Variants in EPB41L2 observed in about 807,000 individuals in gnomAD.
EPB41L2 encodes erythrocyte membrane protein band 4.1 like 2.
A neutral mutation model predicts 113.0 loss-of-function variants in EPB41L2; 43 were observed. The observed-to-expected ratio is 0.38, with a 90% CI of 0.30 to 0.49. EPB41L2 has a LOEUF of 0.49. Ranked by LOEUF, EPB41L2 falls within the 20% of genes least tolerant of loss-of-function variation. EPB41L2 has a pLI of 0.95. For missense variants in EPB41L2, 1,147 were observed against 1,223.4 expected, an observed-to-expected ratio of 0.94 and a Z score of 0.93; for synonymous variants, 442 against 436.7, an observed-to-expected ratio of 1.01 and a Z score of -0.15.
intron 11 of EPB41L2, among the ~76,000 whole-genome samples, chr6:130,890,076 A>G (rs1235411472): frequency 6.6e-6 from 1 of 152,192 alleles, no homozygotes; most frequent in Non-Finnish European, 1.5e-5. Context: ...AACAAAAAAA[A>G]AGAAAAAAGT....
intron 1 of EPB41L2, among the ~76,000 whole-genome samples, chr6:130,985,419 T>C (rs535321197): frequency 4.6e-5 from 7 of 152,168 alleles, no homozygotes; most frequent in Non-Finnish European, 1.0e-4. Flanking sequence ...GTGCACCTCA[T>C]TCTTCTTGGG....
intron 4 of EPB41L2, among the ~76,000 whole-genome samples, chr6:130,918,594 A>G (rs556056510): frequency 1.3e-5 from 2 of 152,286 alleles, no homozygotes; most frequent in African/African-American, 2.4e-5. Context: ...AACACTAACA[A>G]TGACAGATTT....
chr6:130,954,040 CTTTTTTTTTTTTTTTTTTT>C (rs780758511), intron 3 of EPB41L2, among the ~76,000 whole-genome samples: 4 of 58,850 alleles, frequency 6.8e-5, no homozygotes. Context: ...CCTTTTCTTT[CTTTTTTTTTTTTTTTTTTT>C]TTTTTTTTTT....
At chr6:130,853,417 C>T (rs144538615) in intron 19 of EPB41L2, among the ~76,000 whole-genome samples, 2 of 152,312 alleles carry the variant, frequency 1.3e-5, no homozygotes, top group African/African-American at 4.8e-5. Context: ...TTTGGGAATA[C>T]CACTGCAGTG....
At chr6:130,937,849 T>C (rs1267697761) in intron 3 of EPB41L2, among the ~76,000 whole-genome samples, 1 of 146,104 alleles carries the variant, frequency 6.8e-6, no homozygotes, top group African/African-American at 2.7e-5. Context: ...TAACACAGCC[T>C]GCTAAAATAA....
chr6:131,033,228 C>T (rs900852689), intron 1 of EPB41L2, among the ~76,000 whole-genome samples: 7 of 150,626 alleles, frequency 4.6e-5, no homozygotes, highest in Non-Finnish European at 3.0e-5. Context: ...CAAAGAAAGA[C>T]AGGAGAGAGA....
intron 1 of EPB41L2, among the ~76,000 whole-genome samples, chr6:131,028,994 T>C (rs1791474572): frequency 6.6e-6 from 1 of 152,194 alleles, no homozygotes. Flanking sequence ...AACTTGGCTT[T>C]AGAGGGTTAC....
At chr6:131,006,058 T>C (rs895676547) in intron 1 of EPB41L2, among the ~76,000 whole-genome samples, 2 of 152,056 alleles carry the variant, frequency 1.3e-5, no homozygotes, top group African/African-American at 4.8e-5. Context: ...GGTTTTCTTT[T>C]GTTTGTTCTT....
rs367638973 is a variant in EPB41L2 at position 131,022,660 on chromosome 6, C to T, written c.-15+40495G>A. 1.1e-4 allele frequency among the ~76,000 whole-genome samples: 16 copies of T among 152,288 alleles called. 1 individual carries two copies. In the East Asian group the frequency reaches 2.7e-3, roughly 26 times the overall value. On this transcript the variant is annotated intron_variant, in intron 1 of 19. Coordinates refer to ENST00000337057, the MANE Select transcript of EPB41L2 (RefSeq NM_001431.4). ...TGTGGGGTTCAAATGAATCAAAGCA[C>T]TCTAGTTATATCACTGTGCCAGGTA...
intron 1 of EPB41L2, among the ~76,000 whole-genome samples, chr6:130,990,176 C>T (rs1429045313): frequency 6.6e-6 from 1 of 152,000 alleles, no homozygotes; most frequent in African/African-American, 2.4e-5. Flanking sequence ...CAAAAATTGG[C>T]CGAGTGTGGT....
At chr6:131,048,144 AAAAAAAAAAAAAAG>A (rs1272341678) in intron 1 of EPB41L2, among the ~76,000 whole-genome samples, 2 of 104,770 alleles carry the variant, frequency 1.9e-5, no homozygotes, top group Non-Finnish European at 2.2e-5. Context: ...GTCTCAAAAA[AAAAAAAAAAAAAAG>A]AAAAAAAGAA....
intron 1 of EPB41L2, among the ~76,000 whole-genome samples, chr6:131,055,194 G>A (rs1045831610): frequency 2.6e-5 from 4 of 152,088 alleles, no homozygotes; most frequent in Admixed American, 1.3e-4. Context: ...AATCCCTGCA[G>A]TACTACCTGA....
intron 1 of EPB41L2, among the ~76,000 whole-genome samples, chr6:131,025,948 C>T (rs1790769343): frequency 6.6e-6 from 1 of 152,102 alleles, no homozygotes; most frequent in South Asian, 2.1e-4. Context: ...TGGATCAAAG[C>T]AAAGCCGTTC....
At chr6:130,941,950 TA>T (rs1188659165) in intron 3 of EPB41L2, among the ~76,000 whole-genome samples, 1 of 152,210 alleles carries the variant, frequency 6.6e-6, no homozygotes, top group African/African-American at 2.4e-5. Context: ...AGAGCATAAT[TA>T]AATAAATATT....
intron 1 of EPB41L2, among the ~76,000 whole-genome samples, chr6:131,002,848 G>A (rs559499781): frequency 2.9e-4 from 44 of 152,114 alleles, no homozygotes; most frequent in Non-Finnish European, 1.9e-4. Flanking sequence ...TTCACTCAAC[G>A]TTACAGTTAG....
intron 3 of EPB41L2, among the ~76,000 whole-genome samples, chr6:130,935,363 C>T (rs756290245): frequency 5.3e-5 from 8 of 152,160 alleles, no homozygotes; most frequent in Non-Finnish European, 1.0e-4. Context: ...GAGCACGATG[C>T]TTCCAAGCCC....
chr6:130,965,644 C>CAAA (rs35081059), intron 1 of EPB41L2, among the ~76,000 whole-genome samples: 12 of 127,786 alleles, frequency 9.4e-5, no homozygotes, highest in East Asian at 4.6e-4. Context: ...AAACAGTTAT[C>CAAA]AAAAAAAAAA....
chr6:131,016,682 T>G (rs886187046), intron 1 of EPB41L2, among the ~76,000 whole-genome samples: 2 of 152,110 alleles, frequency 1.3e-5, no homozygotes, highest in African/African-American at 4.8e-5. Context: ...TGATGGCATG[T>G]GCCTGTAATC....
Position 130,885,096 on chromosome 6 carries a change from C to A in EPB41L2, c.1833G>T (p.Lys611Asn). 6.2e-7 allele frequency: 1 copy of A among 1,613,984 alleles called. No individual in the cohort carries two copies. The highest frequency in any genetic ancestry group is 8.5e-7 in the Non-Finnish European group (1 of 1,179,938). The change falls in exon 12 of 20, where the codon AAG (lysine) becomes AAT (asparagine). Residue 611 changes from lysine (K) to asparagine (N), a missense_variant and splice_region_variant. Transcript: ENST00000337057. ...KAPHLQLIEG[K>N]KNSLRVEGDN... The stretch of plus-strand genomic sequence containing the variant: ...CACATACTGTGCTAATTTACCATAC[C>A]TTTCCTTCAATGAGCTGCAAATGTG...
Sources: gnomAD v4.1 joint callset for allele counts (sites outside exome capture counted in the v4.1 genomes callset) on GRCh38, gnomAD v4.1.1 for gene constraint, MANE v1.5 for transcripts, NCBI Gene and HGNC (gene_info 2026-07-23, HGNC 2026-07-21) for gene names.